The following GRID2 variants were observed in gnomAD, a reference collection of about 807,000 sequenced individuals.
The protein encoded by GRID2 is glutamate ionotropic receptor delta type subunit 2.
GRID2 carries 33 observed loss-of-function variants against 114.8 expected under a neutral mutation model. The observed-to-expected ratio is 0.29, with a 90% CI of 0.22 to 0.38. The LOEUF (loss-of-function observed/expected upper bound fraction) is 0.38, where lower values mean the gene tolerates loss of function less well. Ranked by LOEUF, GRID2 falls within the 10% of genes least tolerant of loss-of-function variation. The pLI is 1.00. For synonymous variants in GRID2, 505 were observed against 449.9 expected (o/e 1.12, Z -1.55); for missense variants, 1,184 against 1,257.7 (o/e 0.94, Z 0.89).
chr4:92,672,935 G>A (rs1560524282), intron 2 of GRID2, among the ~76,000 whole-genome samples: 1 of 152,134 alleles, frequency 6.6e-6, no homozygotes, highest in South Asian at 2.1e-4. Flanking sequence ...TACTAAGTGT[G>A]TATTTAAGCC....
chr4:92,739,270 TTAAC>T (rs1447230095), intron 2 of GRID2, among the ~76,000 whole-genome samples: 2 of 152,174 alleles, frequency 1.3e-5, no homozygotes, highest in Admixed American at 1.3e-4. Context: ...TTTAACTTAA[TTAAC>T]AAACTTAAAT....
intron 14 of GRID2, among the ~76,000 whole-genome samples, chr4:93,690,012 A>C (rs550598215): frequency 6.6e-6 from 1 of 152,234 alleles, no homozygotes; most frequent in South Asian, 2.1e-4. Flanking sequence ...TGGAATGTGT[A>C]TTAATAGGAG....
At chr4:93,570,188 A>C (rs1735810054) in intron 13 of GRID2, among the ~76,000 whole-genome samples, 1 of 152,166 alleles carries the variant, frequency 6.6e-6, no homozygotes, top group African/African-American at 2.4e-5. Flanking sequence ...CAGTCACACA[A>C]GGTCACTCAG....
rs572792938 is a variant in GRID2 at position 93,601,406 on chromosome 4, C to T, written c.2194-24863C>T. 2.0e-4 allele frequency among the ~76,000 whole-genome samples: 31 copies of T among 152,238 alleles called. 1 individual carries two copies. The South Asian group carries it at 6.2e-3, about 31-fold the overall frequency. ...TCCCATTTTCATGCCTTATTCTTCA[C>T]TTCTATTCTTTAGGATTATTTCCTT... On this transcript the variant is annotated intron_variant, in intron 13 of 15. Coordinates refer to ENST00000282020, the MANE Select transcript of GRID2 (RefSeq NM_001510.4).
Position 93,210,178 on chromosome 4 carries a change from A to G in GRID2, c.789+2721A>G, listed in dbSNP as rs1037110773. Among the ~76,000 whole-genome samples, 3 of 151,154 alleles carry G rather than the reference A, an allele frequency of 2.0e-5. No individual in the cohort carries two copies. The South Asian group carries it at 6.2e-4, about 31-fold the overall frequency. On this transcript the variant is annotated intron_variant, in intron 5 of 15. Coordinates refer to ENST00000282020, the MANE Select transcript of GRID2 (RefSeq NM_001510.4). The stretch of plus-strand genomic sequence containing the variant: ...TTTGTCATGAAATATTTGCCCATTT[A>G]TATGTCTAGGTTGTTTTCCAGGGTT...
At chr4:92,605,746 T>A (rs1314894835) in intron 2 of GRID2, among the ~76,000 whole-genome samples, 1 of 152,112 alleles carries the variant, frequency 6.6e-6, no homozygotes, top group Non-Finnish European at 1.5e-5. Flanking sequence ...CAAATTTTTA[T>A]TCTGTTGCCT....
chr4:93,336,295 A>T (rs1560512968), intron 8 of GRID2, among the ~76,000 whole-genome samples: 1 of 152,194 alleles, frequency 6.6e-6, no homozygotes, highest in East Asian at 1.9e-4. Flanking sequence ...TATAGCAATG[A>T]TATTCTATGT....
At chr4:92,915,453 T>C (rs774145001) in intron 2 of GRID2, among the ~76,000 whole-genome samples, 1 of 152,170 alleles carries the variant, frequency 6.6e-6, no homozygotes, top group Non-Finnish European at 1.5e-5. Flanking sequence ...AGTGTACTTA[T>C]TTTGTGAAAA....
chr4:93,568,507 A>G (rs1286362816), intron 13 of GRID2, among the ~76,000 whole-genome samples: 2 of 152,332 alleles, frequency 1.3e-5, no homozygotes, highest in Non-Finnish European at 2.9e-5. Context: ...CAAAATGCCA[A>G]TAGCACCCCA....
intron 8 of GRID2, among the ~76,000 whole-genome samples, chr4:93,272,723 G>A (rs193087914): frequency 1.4e-3 from 216 of 152,304 alleles, no homozygotes; most frequent in Admixed American, 4.3e-3. Context: ...CATGGCAGGA[G>A]TGAGAAGACT....
chr4:92,709,588 AAAT>A lies in GRID2; in HGVS notation c.244+119304_244+119306del, dbSNP rs1489898944. Among the ~76,000 whole-genome samples, 160 of 131,550 alleles carry A rather than the reference AAAT, an allele frequency of 1.2e-3. 1 individual carries two copies. Among genetic ancestry groups the A allele is most frequent in the Non-Finnish European group, 1.0e-3 (65 of 63,634 alleles). The allele number at this position is 131,550 out of a possible 152,430, so 86.3% of individuals were successfully genotyped here. A position where few individuals can be genotyped will look rare whatever the true frequency, so the allele number is the denominator to read the frequency against. On this transcript the variant is annotated intron_variant, in intron 2 of 15. Transcript: ENST00000282020. ...TAGTGTAGAGAAAAAAAAAAAAAAA[AAAT>A]ATATATATATATATATATGTAATTT...
At chr4:92,414,194 A>G (rs113981421) in intron 1 of GRID2, among the ~76,000 whole-genome samples, 1 of 152,278 alleles carries the variant, frequency 6.6e-6, no homozygotes, top group Non-Finnish European at 1.5e-5. Flanking sequence ...GTGGGAAGCT[A>G]ACAATTTATT....
intron 8 of GRID2, among the ~76,000 whole-genome samples, chr4:93,380,470 G>A (rs1202302003): frequency 1.3e-5 from 2 of 150,810 alleles, no homozygotes; most frequent in African/African-American, 2.4e-5. Context: ...AAAGCAAGTC[G>A]TGATCTAGTT....
At chr4:92,552,277 CTG>C (rs1030013679) in intron 1 of GRID2, among the ~76,000 whole-genome samples, 13 of 148,262 alleles carry the variant, frequency 8.8e-5, no homozygotes, top group Admixed American at 1.3e-4. Context: ...TCCCAGAAAA[CTG>C]TGAAGGAAAG....
rs571088254 is a variant in GRID2 at position 92,848,591 on chromosome 4, G to A, written c.245-236404G>A. 8.6e-5 allele frequency among the ~76,000 whole-genome samples: 13 copies of A among 151,960 alleles called. No individual in the cohort carries two copies. The East Asian group carries it at 1.7e-3, about 20-fold the overall frequency. On this transcript the variant is annotated intron_variant, in intron 2 of 15. Transcript: ENST00000282020. ...GGAGGCCTTGGAGTGGCCTTTGATT[G>A]TTCTAATACCCACACCTGGAACAAT...
chr4:93,108,331 CTCCTAGT>C (rs1294899969), intron 3 of GRID2, among the ~76,000 whole-genome samples: 1 of 152,150 alleles, frequency 6.6e-6, no homozygotes. Flanking sequence ...GTGCTCCTAG[CTCCTAGT>C]ATTGTGTCTA....
intron 2 of GRID2, among the ~76,000 whole-genome samples, chr4:92,686,849 A>G (rs1373926254): frequency 1.3e-5 from 2 of 152,170 alleles, no homozygotes; most frequent in African/African-American, 4.8e-5. Flanking sequence ...AAACTACTTT[A>G]AATTAAAAAG....
chr4:92,695,191 C>G (rs1448314881), intron 2 of GRID2, among the ~76,000 whole-genome samples: 1 of 152,080 alleles, frequency 6.6e-6, no homozygotes, highest in Non-Finnish European at 1.5e-5. Context: ...GTCTCGAACT[C>G]CTGGGCTTAA....
chr4:93,565,849 A>G (rs1225020465), intron 13 of GRID2, among the ~76,000 whole-genome samples: 2 of 152,192 alleles, frequency 1.3e-5, no homozygotes, highest in African/African-American at 2.4e-5. Context: ...CAAGGAAAAG[A>G]TACAGTTTCA....
Sources: allele counts gnomAD v4.1 joint callset (sites outside exome capture counted in the v4.1 genomes callset), GRCh38; gene constraint gnomAD v4.1.1; transcripts MANE v1.5; gene names NCBI Gene and HGNC (gene_info 2026-07-23, HGNC 2026-07-21).